NUP54: variants seen among roughly 807,000 people sequenced by gnomAD.
The protein encoded by NUP54 is nucleoporin p54.
Under a neutral mutation model 66.4 loss-of-function variants are expected in NUP54, and 27 were observed. The ratio of observed to expected loss-of-function variants is 0.41; its 90% CI spans 0.30 to 0.56. The LOEUF (loss-of-function observed/expected upper bound fraction) is 0.56, where lower values mean the gene tolerates loss of function less well. NUP54 is among the 20% of genes least tolerant of loss of function. The pLI, the probability that NUP54 is intolerant of heterozygous loss-of-function variation, is 0.34. For synonymous variants in NUP54, 206 were observed against 210.7 expected (o/e 0.98, Z 0.19); for missense variants, 486 against 596.3 (o/e 0.82, Z 1.93).
intron 8 of NUP54, 113 bp downstream of exon 8, chr4:76,130,543 C>T: frequency 1.4e-6 from 1 of 701,280 alleles, no homozygotes; most frequent in Non-Finnish European, 2.5e-6. Flanking sequence ...GCAGTGTATG[C>T]TACATTGTTT....
intron 1 of NUP54, chr4:76,145,814 T>C (rs1057463537): frequency 1.6e-5 from 4 of 257,610 alleles, no homozygotes; most frequent in African/African-American, 7.0e-5. Context: ...ATATAGAAAA[T>C]ACAAGAAGAA....
chr4:76,138,190 CT>C (rs1420905847), intron 3 of NUP54, among the ~76,000 whole-genome samples: 5 of 152,188 alleles, frequency 3.3e-5, no homozygotes, highest in Non-Finnish European at 7.3e-5. Flanking sequence ...ACTCAGAACA[CT>C]TGAATCCTGG....
chr4:76,115,453 G>C lies in NUP54; in HGVS notation c.1437C>G (p.Ser479Arg). Residue 479 changes from serine to arginine, a missense_variant, in exon 12 of 12, where the codon AGC becomes AGG. Physicochemically the swap from Ser to Arg is moderately radical, Grantham distance 110. Coordinates refer to ENST00000264883, the MANE Select transcript of NUP54 (RefSeq NM_017426.4). ...QQQEGLSHLI[S>R]IIKDDLEDIK... ...TATCTTCTAGATCGTCTTTAATGAT[G>C]CTAATCAAATGGCTAAGGCCTTCCT... The C allele has an allele frequency of 6.2e-7, 1 of 1,610,640 alleles. No individual in the cohort carries two copies. Among genetic ancestry groups the C allele is most frequent in the East Asian group, 2.2e-5 (1 of 44,668 alleles).
intron 4 of NUP54, among the ~76,000 whole-genome samples, 193 bp from the exon 5 acceptor site, chr4:76,134,555 G>A (rs947463553): frequency 1.3e-5 from 2 of 151,980 alleles, no homozygotes; most frequent in East Asian, 1.9e-4. Context: ...TTTTACCCAG[G>A]AATAACATTA....
At chr4:76,139,784 TA>T (rs34082516) in intron 3 of NUP54, among the ~76,000 whole-genome samples, 1 of 152,080 alleles carries the variant, frequency 6.6e-6, no homozygotes, top group Admixed American at 6.5e-5. Context: ...ATCAGTGATT[TA>T]AAAAAAGGAA....
At chr4:76,134,482 G>A in intron 4 of NUP54, 120 bp from the exon 5 acceptor site, 1 of 810,930 alleles carries the variant, frequency 1.2e-6, no homozygotes, top group Non-Finnish European at 1.9e-6. Context: ...GGTAATTAAG[G>A]GAATAATGAT....
chr4:76,118,722 T>A (rs1234146659), intron 9 of NUP54, among the ~76,000 whole-genome samples: 6 of 151,270 alleles, frequency 4.0e-5, no homozygotes, highest in South Asian at 2.1e-4. Context: ...TGGTATGGCT[T>A]GGCCGGGCGC....
intron 9 of NUP54, 122 bp from the exon 10 acceptor site, chr4:76,118,316 GT>G: frequency 2.4e-6 from 2 of 831,932 alleles, no homozygotes; most frequent in Non-Finnish European, 3.8e-6. Context: ...GGGTTCAACA[GT>G]TCAGGATTTG....
intron 11 of NUP54, among the ~76,000 whole-genome samples, chr4:76,116,003 G>C (rs1360584564): frequency 6.6e-6 from 1 of 152,096 alleles, no homozygotes; most frequent in Admixed American, 6.5e-5. Flanking sequence ...AAATCCTTTT[G>C]AGCCCCCTTT....
chr4:76,132,692 C>T lies in NUP54; in HGVS notation c.738G>A (p.Glu246=), dbSNP rs1229863699. ...DQTEVVIYVV[E]RSPNGTSRRV... is the part of the protein sequence containing the mutation. ...TTCTTGAAGTACCATTTGGCGAACG[C>T]TCAACAACATAAATAACAACTTCTG... Residue 246 remains glutamate, a synonymous_variant, in exon 6 of 12, where the codon GAG becomes GAA. Coordinates refer to ENST00000264883, the MANE Select transcript of NUP54 (RefSeq NM_017426.4). The T allele has an allele frequency of 3.1e-6, 5 of 1,613,136 alleles. No homozygotes were observed. Among genetic ancestry groups the T allele is most frequent in the Non-Finnish European group, 3.4e-6 (4 of 1,179,720 alleles).
rs1168520683 is a variant in NUP54 at position 76,124,718 on chromosome 4, T to C, written c.1095A>G (p.Gln365=). 1 of 1,587,906 alleles carries C rather than the reference T, an allele frequency of 6.3e-7. No homozygotes were observed. The highest frequency in any genetic ancestry group is 2.3e-5 in the East Asian group (1 of 43,436). Residue 365 remains glutamine (Q), a synonymous_variant, in exon 9 of 12, where the codon CAA becomes CAG. Coordinates refer to ENST00000264883, the MANE Select transcript of NUP54 (RefSeq NM_017426.4). The part of the protein sequence containing the change: ...SEDISELQKN[Q]TTSVAKIAQY... ...GTGCAATTTTGGCTACAGATGTAGT[T>C]TGATTCTTTTGTAGCTCACTAATAT...
chr4:76,140,285 G>GTT lies in NUP54; in HGVS notation c.295+3862_295+3863dup, dbSNP rs35963995. 1.2e-3 allele frequency among the ~76,000 whole-genome samples: 159 copies of GTT among 130,166 alleles called. 1 individual carries two copies. Among genetic ancestry groups the GTT allele is most frequent in the East Asian group, 2.1e-3 (9 of 4,210 alleles). The allele number at this position is 130,166 out of a possible 152,430, so 85.4% of individuals were successfully genotyped here. The stretch of plus-strand genomic sequence containing the variant: ...AATAAGGGATTTTATTTTCTCTTTG[G>GTT]TTTTTTTTTTTTTTTTTTGAGACAG... On this transcript the variant is annotated intron_variant, in intron 3 of 11. Coordinates refer to ENST00000264883, the MANE Select transcript of NUP54 (RefSeq NM_017426.4).
At chr4:76,122,365 A>G (rs1298580074) in intron 9 of NUP54, among the ~76,000 whole-genome samples, 1 of 152,176 alleles carries the variant, frequency 6.6e-6, no homozygotes, top group African/African-American at 2.4e-5. Context: ...TGTAACCACC[A>G]CAGTGATTAA....
chr4:76,135,675 C>T (rs1731008983), intron 4 of NUP54, among the ~76,000 whole-genome samples: 1 of 152,198 alleles, frequency 6.6e-6, no homozygotes, highest in African/African-American at 2.4e-5. Flanking sequence ...ATGGAAAATG[C>T]ATTACCAAAT....
intron 9 of NUP54, 58 bp downstream of exon 9, chr4:76,124,591 T>C (rs879944741): frequency 1.5e-6 from 1 of 656,016 alleles, no homozygotes. Flanking sequence ...CTATATTTAG[T>C]ACATTATTTC....
At chr4:76,142,452 T>C (rs1365139215) in intron 3 of NUP54, among the ~76,000 whole-genome samples, 1 of 152,200 alleles carries the variant, frequency 6.6e-6, no homozygotes, top group African/African-American at 2.4e-5. Context: ...ACAGAAGTAA[T>C]TTTAAGAGGC....
chr4:76,118,869 A>G (rs1560673726), intron 9 of NUP54, among the ~76,000 whole-genome samples: 3 of 151,756 alleles, frequency 2.0e-5, no homozygotes, highest in Non-Finnish European at 4.4e-5. Flanking sequence ...CCGGACGTTG[A>G]TGGTGCACGC....
At chr4:76,128,117 A>C (rs62300565) in intron 8 of NUP54, among the ~76,000 whole-genome samples, 20,016 of 152,216 alleles carry the variant, frequency 0.13, 1,546 homozygotes, top group East Asian at 0.35. Context: ...TCTGCTAGTT[A>C]TAGTGGGAGG....
chr4:76,148,007 G>A (rs931155082), intron 1 of NUP54: 17 of 381,688 alleles, frequency 4.5e-5, no homozygotes, highest in Admixed American at 2.1e-4. Context: ...AAGGGGAGAG[G>A]GAAGCAACCT....
Sources: allele counts gnomAD v4.1 joint callset (sites outside exome capture counted in the v4.1 genomes callset), GRCh38; gene constraint gnomAD v4.1.1; transcripts MANE v1.5; gene names NCBI Gene and HGNC (gene_info 2026-07-23, HGNC 2026-07-21).